Variants in FAT3 observed in about 807,000 individuals in gnomAD.
FAT3 encodes protocadherin Fat 3.
In FAT3, 95 loss-of-function variants were observed where a neutral mutation model predicts 310.2. The observed-to-expected ratio is 0.31, with a 90% CI of 0.26 to 0.36. The LOEUF (loss-of-function observed/expected upper bound fraction) is 0.36. Ranked by LOEUF, FAT3 falls within the 10% of genes least tolerant of loss-of-function variation. The pLI is 1.00. For missense variants in FAT3, 5,408 were observed against 5,715.6 expected (o/e 0.95, Z 1.74); for synonymous variants, 2,314 against 2,192.9 (o/e 1.06, Z -1.54).
chr11:92,750,216 G>A (rs1377705859), intron 4 of FAT3, among the ~76,000 whole-genome samples: 1 of 152,134 alleles, frequency 6.6e-6, no homozygotes, highest in Non-Finnish European at 1.5e-5. Flanking sequence ...GGGGGAGGGA[G>A]AAATAAAACT....
At chr11:92,644,931 C>T (rs955620437) in intron 3 of FAT3, among the ~76,000 whole-genome samples, 4 of 152,170 alleles carry the variant, frequency 2.6e-5, no homozygotes, top group African/African-American at 9.6e-5. Flanking sequence ...GGACTTTCTT[C>T]TTGATTGGAG....
chr11:92,441,510 G>A (rs1030053886), intron 2 of FAT3, among the ~76,000 whole-genome samples: 2 of 152,186 alleles, frequency 1.3e-5, no homozygotes, highest in Non-Finnish European at 2.9e-5. Context: ...CAGATCGGGA[G>A]GGGTGAGTAT....
At chr11:92,565,147 A>G (rs1222646438) in intron 3 of FAT3, among the ~76,000 whole-genome samples, 1 of 139,644 alleles carries the variant, frequency 7.2e-6, no homozygotes, top group Non-Finnish European at 1.6e-5. Context: ...TAGCAAGACT[A>G]ATAAAGAAAA....
chr11:92,232,581 G>A (rs553791198), intron 1 of FAT3, among the ~76,000 whole-genome samples: 11 of 147,420 alleles, frequency 7.5e-5, no homozygotes, highest in Admixed American at 7.4e-4. Context: ...TTTAGCTGTT[G>A]GAACTTGACC....
intron 7 of FAT3, among the ~76,000 whole-genome samples, chr11:92,786,486 A>C (rs548401262): frequency 6.6e-6 from 1 of 152,262 alleles, no homozygotes; most frequent in Non-Finnish European, 1.5e-5. Flanking sequence ...TGGATCTTAA[A>C]TATATGAAAA....
At chr11:92,572,330 A>G (rs1407536795) in intron 3 of FAT3, among the ~76,000 whole-genome samples, 1 of 152,204 alleles carries the variant, frequency 6.6e-6, no homozygotes. Flanking sequence ...AGATTCTGAG[A>G]TGAGATCCAG....
chr11:92,685,487 A>C (rs147762058), intron 3 of FAT3, among the ~76,000 whole-genome samples: 22 of 152,120 alleles, frequency 1.4e-4, no homozygotes, highest in African/African-American at 5.1e-4. Flanking sequence ...ATATTCCCAT[A>C]TGTATAGACC....
At chr11:92,401,094 A>G (rs987276420) in intron 2 of FAT3, among the ~76,000 whole-genome samples, 21 of 152,148 alleles carry the variant, frequency 1.4e-4, no homozygotes, top group Admixed American at 8.5e-4. Flanking sequence ...AACTAACTAG[A>G]AATTTACTTT....
rs185604188 is a variant in FAT3 at position 92,720,903 on chromosome 11, T to C, written c.3669+23458T>C. The stretch of plus-strand genomic sequence containing the variant: ...TTATCCCTTTAGGATTTTTGTGTGA[T>C]AGTCCAGGATTCCAAATGTTATAGC... On this transcript the variant is annotated intron_variant, in intron 4 of 27. Coordinates refer to ENST00000525166, the MANE Select transcript of FAT3 (RefSeq NM_001367949.2). 3.2e-4 allele frequency among the ~76,000 whole-genome samples: 49 copies of C among 152,358 alleles called. No individual in the cohort carries two copies. In the East Asian group the frequency reaches 9.1e-3, roughly 28 times the overall value.
Position 92,801,916 on chromosome 11 carries a change from A to G in FAT3, c.8896+7A>G. ...GTGAGCTACCATATTACAGGTGAGT[A>G]AATACCCCCAGTTTTCATTATGTGC... On this transcript the variant is annotated splice_region_variant and intron_variant, in intron 10 of 27. Coordinates refer to ENST00000525166, the MANE Select transcript of FAT3 (RefSeq NM_001367949.2). The G allele has an allele frequency of 1.9e-6, 3 of 1,608,826 alleles. No individual in the cohort carries two copies. Among genetic ancestry groups the G allele is most frequent in the Non-Finnish European group, 1.7e-6 (2 of 1,176,374 alleles).
At chr11:92,492,552 A>G (rs1267843447) in intron 2 of FAT3, among the ~76,000 whole-genome samples, 1 of 152,062 alleles carries the variant, frequency 6.6e-6, no homozygotes, top group African/African-American at 2.4e-5. Flanking sequence ...TACTATGACA[A>G]TGATGATGAC....
chr11:92,625,571 A>G (rs1941292718), intron 3 of FAT3, among the ~76,000 whole-genome samples: 2 of 152,254 alleles, frequency 1.3e-5, no homozygotes, highest in Non-Finnish European at 2.9e-5. Flanking sequence ...CCAGAGAGCA[A>G]AGATGTTACT....
chr11:92,622,601 A>G (rs1565465106), intron 3 of FAT3, among the ~76,000 whole-genome samples: 1 of 152,142 alleles, frequency 6.6e-6, no homozygotes, highest in Admixed American at 6.5e-5. Context: ...ATTGCTATGT[A>G]TATTTATATA....
chr11:92,696,504 C>A (rs187136028), intron 3 of FAT3, among the ~76,000 whole-genome samples: 2 of 152,264 alleles, frequency 1.3e-5, no homozygotes, highest in East Asian at 3.9e-4. Context: ...ACTGGGATCA[C>A]GCTTTTCATA....
At chr11:92,419,545 T>A (rs1950495007) in intron 2 of FAT3, among the ~76,000 whole-genome samples, 1 of 152,168 alleles carries the variant, frequency 6.6e-6, no homozygotes, top group Non-Finnish European at 1.5e-5. Flanking sequence ...AGAGAAGAGA[T>A]AGGGGAGTAT....
chr11:92,782,610 A>T (rs2136136978), intron 7 of FAT3, among the ~76,000 whole-genome samples: 1 of 152,336 alleles, frequency 6.6e-6, no homozygotes, highest in East Asian at 1.9e-4. Flanking sequence ...ATCAGCTTGT[A>T]TCTCTATGCT....
At chr11:92,717,014 CTG>C (rs537487360) in intron 4 of FAT3, among the ~76,000 whole-genome samples, 355 of 152,278 alleles carry the variant, frequency 2.3e-3, no homozygotes, top group Middle Eastern at 0.017. Context: ...AATTCTTACT[CTG>C]TGATAGTCTC....
chr11:92,284,891 G>A (rs1216886968), intron 1 of FAT3, among the ~76,000 whole-genome samples: 1 of 152,100 alleles, frequency 6.6e-6, no homozygotes. Context: ...AAATTGCATT[G>A]CTGAAATATA....
chr11:92,880,052 T>C (rs1176581629), intron 22 of FAT3, among the ~76,000 whole-genome samples: 1 of 151,948 alleles, frequency 6.6e-6, no homozygotes, highest in Non-Finnish European at 1.5e-5. Flanking sequence ...ATAATGCCTC[T>C]TTCCACATCT....
Sources: allele counts gnomAD v4.1 joint callset (sites outside exome capture counted in the v4.1 genomes callset), GRCh38; gene constraint gnomAD v4.1.1; transcripts MANE v1.5; gene names NCBI Gene and HGNC (gene_info 2026-07-23, HGNC 2026-07-21).